Variants in AHCTF1 observed in about 807,000 individuals in gnomAD.
AHCTF1 encodes the protein protein ELYS.
AHCTF1 carries 24 observed loss-of-function variants against 248.4 expected under a neutral mutation model. The observed-to-expected ratio is 0.10, with a 90% CI of 0.07 to 0.14. The LOEUF is 0.14. AHCTF1 is among the 10% of genes least tolerant of loss of function. The pLI is 1.00. For missense variants in AHCTF1, 2,206 were observed against 2,636.2 expected (o/e 0.84, Z 3.57); for synonymous variants, 786 against 929.8 (o/e 0.85, Z 2.81).
chr1:246,867,586 A>T, intron 25 of AHCTF1, 75 bp downstream of exon 25: 1 of 1,526,444 alleles, frequency 6.6e-7, no homozygotes, highest in Non-Finnish European at 9.0e-7. Context: ...AAGAGAGTGG[A>T]TTGTTGATGA....
intron 24 of AHCTF1, among the ~76,000 whole-genome samples, chr1:246,872,946 C>G (rs2103097098): frequency 6.6e-6 from 1 of 152,290 alleles, no homozygotes; most frequent in East Asian, 1.9e-4. Flanking sequence ...ACTCAAAAAT[C>G]CAAATCGCCT....
At chr1:246,895,720 C>T (rs1664526490) in intron 13 of AHCTF1, 115 bp downstream of exon 13, 2 of 836,130 alleles carry the variant, frequency 2.4e-6, no homozygotes, top group Non-Finnish European at 3.7e-6. Flanking sequence ...ATCTTAACAA[C>T]TGCATGTGGA....
chr1:246,855,810 T>A lies in AHCTF1; in HGVS notation c.4274A>T (p.Lys1425Met). The change falls in exon 31 of 36, where the codon AAG (lysine) becomes ATG (methionine). Residue 1425 changes from lysine to methionine, a missense_variant. Transcript: ENST00000648844. ...TTCGTCCAACACTGGTACCTTGGACTTCTGGGTGAAGATTTTCCTTTAGAA... is the reference window on the plus strand; with the variant it reads ...TTCGTCCAACACTGGTACCTTGGACATCTGGGTGAAGATTTTCCTTTAGAA... ...SVYEGKIFTQ[K>M]SKVPVLDEGL... 1 of 1,613,116 alleles carries A rather than the reference T, an allele frequency of 6.2e-7. No homozygotes were observed. The highest frequency in any genetic ancestry group is 8.5e-7 in the Non-Finnish European group (1 of 1,179,544).
At chr1:246,926,262 T>A (rs564411863) in intron 1 of AHCTF1, among the ~76,000 whole-genome samples, 1 of 152,120 alleles carries the variant, frequency 6.6e-6, no homozygotes, top group South Asian at 2.1e-4. Flanking sequence ...CACATATTCC[T>A]TTATAGCAAC....
chr1:246,877,150 G>A lies in AHCTF1; in HGVS notation c.2805+8C>T. ...ATTTCTGACAAGTTTACATCGGTAAGTAATTACCTGCTCAGTGTCTGTAAA... is the reference window on the plus strand; with the variant it reads ...ATTTCTGACAAGTTTACATCGGTAAATAATTACCTGCTCAGTGTCTGTAAA... On this transcript the variant is annotated splice_region_variant and intron_variant, in intron 22 of 35. Coordinates refer to ENST00000648844, the MANE Select transcript of AHCTF1 (RefSeq NM_001323342.2). 1.9e-6 allele frequency: 3 copies of A among 1,612,694 alleles called. No homozygotes were observed. The highest frequency in any genetic ancestry group is 1.1e-5 in the South Asian group (1 of 90,996).
At chr1:246,907,855 G>C in intron 4 of AHCTF1, 97 bp from the exon 5 acceptor site, 2 of 1,003,020 alleles carry the variant, frequency 2.0e-6, no homozygotes, top group Non-Finnish European at 2.9e-6. Flanking sequence ...GAAGTCAACT[G>C]AGTTAAATGA....
chr1:246,840,877 T>C lies in AHCTF1; in HGVS notation c.6730A>G (p.Thr2244Ala). 3 of 1,613,750 alleles carry C rather than the reference T, an allele frequency of 1.9e-6. No individual in the cohort carries two copies. The highest frequency in any genetic ancestry group is 2.2e-5 in the East Asian group (1 of 44,872). ...KPRKTTEVTG[T>A]GLGRNRKKLS... is the part of the protein sequence containing the mutation. The stretch of plus-strand genomic sequence containing the variant: ...TTCTTTCTGTTCCTTCCAAGACCTG[T>C]TCCTGTCACTTCTGTAGTTTTTCTT... Residue 2244 changes from threonine (T) to alanine (A), a missense_variant, in exon 36 of 36, where the codon ACA (threonine) becomes GCA (alanine). Thr to Ala is a moderately conservative substitution (Grantham distance 58). Transcript: ENST00000648844.
At position 246,852,916 on chromosome 1, in the gene AHCTF1, GT is replaced by G. The variant is rs538242316; in HGVS notation, c.4563+174del. On this transcript the variant is annotated intron_variant, in intron 32 of 35. Coordinates refer to ENST00000648844, the MANE Select transcript of AHCTF1 (RefSeq NM_001323342.2). ...CCAAGGTTGATTTATTAAAGGATGT[GT>G]TTTTATATTCCACAAAAGATTTATA... Among the ~76,000 whole-genome samples, 14 of 152,064 alleles carry G rather than the reference GT, an allele frequency of 9.2e-5. No individual in the cohort carries two copies. In the South Asian group the frequency reaches 2.9e-3, roughly 32 times the overall value.
intron 24 of AHCTF1, among the ~76,000 whole-genome samples, chr1:246,869,095 T>G (rs6691158): frequency 2.0e-5 from 3 of 151,228 alleles, no homozygotes; most frequent in East Asian, 1.9e-4. Context: ...CCGCCCGCCT[T>G]GGCCTCCCAA....
At position 246,918,289 on chromosome 1, in the gene AHCTF1, T is replaced by C. The variant is rs774554505; in HGVS notation, c.82A>G (p.Ile28Val). ...VTLQALGEDE[I>V]TLESVLRGKF... ...CCACGAAGCACAGATTCTAATGTTA[T>C]TTCGTCTTCTCCAAGGGCTTGAAGA... The change falls in exon 2 of 36, where the codon ATA becomes GTA. Residue 28 changes from isoleucine (I) to valine (V), a missense_variant. By Grantham distance (29) the Ile-to-Val change is conservative. This residue lies in a region of AHCTF1 where 69 missense variants were observed against 85.4 expected (regional missense o/e 0.81). Coordinates refer to ENST00000648844, the MANE Select transcript of AHCTF1 (RefSeq NM_001323342.2). 1.9e-6 allele frequency: 3 copies of C among 1,612,090 alleles called. No homozygotes were observed. Among genetic ancestry groups the C allele is most frequent in the South Asian group, 2.2e-5 (2 of 90,838 alleles).
intron 1 of AHCTF1, among the ~76,000 whole-genome samples, chr1:246,930,910 T>C (rs1667303639): frequency 6.6e-6 from 1 of 152,194 alleles, no homozygotes; most frequent in Non-Finnish European, 1.5e-5. Flanking sequence ...CTCGTAAGCT[T>C]TGAGAACAAA....
intron 1 of AHCTF1, among the ~76,000 whole-genome samples, chr1:246,921,157 A>G (rs988957252): frequency 1.3e-5 from 2 of 152,200 alleles, no homozygotes; most frequent in African/African-American, 2.4e-5. Context: ...ACATTTATAT[A>G]AGGTTAAAAA....
rs553494492 is a variant in AHCTF1 at position 246,867,649 on chromosome 1, A to G, written c.3239+12T>C. ...CAAGCAGCATGACTATGAAACGTGT[A>G]AGAAAACATACCTATTGAAAGGTGT... On this transcript the variant is annotated intron_variant, in intron 25 of 35. Coordinates refer to ENST00000648844, the MANE Select transcript of AHCTF1 (RefSeq NM_001323342.2). 2 of 1,610,644 alleles carry G rather than the reference A, an allele frequency of 1.2e-6. No individual in the cohort carries two copies. Among genetic ancestry groups the G allele is most frequent in the East Asian group, 2.2e-5 (1 of 44,786 alleles).
chr1:246,884,898 A>T (rs1218862993), intron 21 of AHCTF1, among the ~76,000 whole-genome samples: 1 of 152,226 alleles, frequency 6.6e-6, no homozygotes, highest in Non-Finnish European at 1.5e-5. Context: ...CAAAAATATC[A>T]GAGTACCATT....
At chr1:246,877,770 T>C (rs1464373249) in intron 21 of AHCTF1, among the ~76,000 whole-genome samples, 2 of 152,102 alleles carry the variant, frequency 1.3e-5, no homozygotes, top group Non-Finnish European at 2.9e-5. Flanking sequence ...AAGATCAGAT[T>C]GGAGAACCTG....
intron 12 of AHCTF1, among the ~76,000 whole-genome samples, 187 bp downstream of exon 12, chr1:246,898,021 A>C (rs1056021284): frequency 2.0e-5 from 3 of 152,176 alleles, no homozygotes; most frequent in African/African-American, 7.2e-5. Flanking sequence ...CTGCCAAGTT[A>C]TGGCCTATTG....
intron 2 of AHCTF1, 83 bp from the exon 3 acceptor site, chr1:246,916,478 T>C: frequency 8.2e-7 from 1 of 1,216,146 alleles, no homozygotes; most frequent in Middle Eastern, 2.1e-4. Flanking sequence ...CATACAACTA[T>C]ATGTTCATTA....
intron 12 of AHCTF1, among the ~76,000 whole-genome samples, chr1:246,897,638 A>C (rs1364750103): frequency 6.6e-6 from 1 of 152,334 alleles, no homozygotes; most frequent in East Asian, 1.9e-4. Flanking sequence ...CAACTGTAAC[A>C]CAATATGAAG....
At chr1:246,906,145 G>A (rs1298601206) in intron 5 of AHCTF1, among the ~76,000 whole-genome samples, 1 of 152,126 alleles carries the variant, frequency 6.6e-6, no homozygotes, top group African/African-American at 2.4e-5. Flanking sequence ...TACTACAACA[G>A]AAGATGAGTT....
Sources: gnomAD v4.1 joint callset for allele counts (sites outside exome capture counted in the v4.1 genomes callset) on GRCh38, gnomAD v4.1.1 for gene constraint, gnomAD v4.1.1 regional missense constraint, MANE v1.5 for transcripts, NCBI Gene and HGNC (gene_info 2026-07-23, HGNC 2026-07-21) for gene names.